PDZD2: variants seen among roughly 807,000 people sequenced by gnomAD.
The protein encoded by PDZD2 is PDZ domain containing 2.
A neutral mutation model predicts 220.7 loss-of-function variants in PDZD2; 90 were observed. The ratio of observed to expected loss-of-function variants is 0.41; its 90% CI spans 0.34 to 0.49. PDZD2 has a LOEUF of 0.49. Ranked by LOEUF, PDZD2 falls within the 20% of genes least tolerant of loss-of-function variation. PDZD2 has a pLI of 0.28. For missense variants in PDZD2, 3,174 were observed against 3,608.5 expected, an observed-to-expected ratio of 0.88 and a Z score of 3.08; for synonymous variants, 1,375 against 1,450.5, an observed-to-expected ratio of 0.95 and a Z score of 1.18.
In PDZD2 at chr5:31,962,229, GT is replaced by G. The variant is rs559671466; in HGVS notation, c.477-20925del. ...TGACATTTTCCACAGATCTGCTTGT[GT>G]ATCTTAACTTCTCTTTCCTTTAAGT... On this transcript the variant is annotated intron_variant, in intron 2 of 24. Coordinates refer to ENST00000438447, the MANE Select transcript of PDZD2 (RefSeq NM_178140.4). Among the ~76,000 whole-genome samples, 98 of 152,264 alleles carry G rather than the reference GT, an allele frequency of 6.4e-4. 1 individual carries two copies. Among genetic ancestry groups the G allele is most frequent in the African/African-American group, 2.3e-3 (94 of 41,562 alleles).
At chr5:31,898,476 A>C (rs554570960) in intron 2 of PDZD2, among the ~76,000 whole-genome samples, 36 of 152,304 alleles carry the variant, frequency 2.4e-4, no homozygotes, top group African/African-American at 8.7e-4. Flanking sequence ...TTTGGTGCAG[A>C]AAGCTTTTCT....
At chr5:32,074,810 CT>C (rs33999865) in intron 18 of PDZD2, among the ~76,000 whole-genome samples, 167 bp downstream of exon 18, 37,275 of 145,064 alleles carry the variant, frequency 0.26, 4,753 homozygotes, top group East Asian at 0.4. Flanking sequence ...GCTTGGAAGC[CT>C]TTTTTTTTTT....
intron 2 of PDZD2, among the ~76,000 whole-genome samples, chr5:31,874,485 G>A (rs748040905): frequency 1.4e-4 from 22 of 152,136 alleles, no homozygotes; most frequent in Non-Finnish European, 1.5e-5. Context: ...ATGCAGCCAG[G>A]TGTGGTGGCT....
chr5:31,943,203 C>CAA (rs368213219), intron 2 of PDZD2, among the ~76,000 whole-genome samples: 186 of 146,054 alleles, frequency 1.3e-3, no homozygotes, highest in East Asian at 2.0e-3. Context: ...ACTGTGTCTC[C>CAA]AAAAAAAAAA....
chr5:31,885,356 C>G (rs143738870), intron 2 of PDZD2, among the ~76,000 whole-genome samples: 171 of 151,964 alleles, frequency 1.1e-3, no homozygotes, highest in African/African-American at 4.1e-3. Context: ...TCTTTGTATA[C>G]TGTCAGAGTG....
At position 31,698,129 on chromosome 5, in the gene PDZD2, G is replaced by A. The variant is rs961580561; in HGVS notation, c.-361+58692G>A. Among the ~76,000 whole-genome samples the A allele has an allele frequency of 6.7e-5, 10 of 148,216 alleles. No homozygotes were observed. The East Asian group carries it at 8.3e-4, about 12-fold the overall frequency. On this transcript the variant is annotated intron_variant, in intron 1 of 24. Coordinates refer to ENST00000438447, the MANE Select transcript of PDZD2 (RefSeq NM_178140.4). Reference sequence around the variant, plus strand: ...TCACCATGTTGGCCAGGACGGTCTCGATCTCTTGACCTCATGATCCTGCCT... The same window carrying A: ...TCACCATGTTGGCCAGGACGGTCTCAATCTCTTGACCTCATGATCCTGCCT...
chr5:31,650,879 A>G (rs1745325321), intron 1 of PDZD2, among the ~76,000 whole-genome samples: 1 of 152,158 alleles, frequency 6.6e-6, no homozygotes, highest in Non-Finnish European at 1.5e-5. Flanking sequence ...GGGTGAGAGC[A>G]TGGACTCCAT....
At chr5:31,641,225 C>T (rs1744935903) in intron 1 of PDZD2, among the ~76,000 whole-genome samples, 1 of 152,192 alleles carries the variant, frequency 6.6e-6, no homozygotes, top group African/African-American at 2.4e-5. Context: ...GAGAAGCCTG[C>T]TAAGCACTAT....
At chr5:31,926,984 C>T (rs554722671) in intron 2 of PDZD2, among the ~76,000 whole-genome samples, 8 of 152,286 alleles carry the variant, frequency 5.3e-5, no homozygotes, top group South Asian at 4.1e-4. Context: ...AACTAAATAC[C>T]GCATATTATT....
intron 1 of PDZD2, among the ~76,000 whole-genome samples, chr5:31,716,936 G>C (rs370704924): frequency 6.6e-6 from 1 of 152,112 alleles, no homozygotes; most frequent in Non-Finnish European, 1.5e-5. Flanking sequence ...AGTTCAAAGA[G>C]GTTGTTGGGG....
chr5:31,839,250 A>C (rs947346095), intron 2 of PDZD2, among the ~76,000 whole-genome samples: 2 of 152,210 alleles, frequency 1.3e-5, no homozygotes, highest in Non-Finnish European at 2.9e-5. Flanking sequence ...CTCCTTGAAG[A>C]AGACTTCGGA....
intron 2 of PDZD2, among the ~76,000 whole-genome samples, chr5:31,850,210 ATGTG>A (rs1757952653): frequency 8.7e-6 from 1 of 114,708 alleles, no homozygotes; most frequent in African/African-American, 3.9e-5. Flanking sequence ...ATAAGTATAT[ATGTG>A]TATATATATA....
intron 2 of PDZD2, among the ~76,000 whole-genome samples, chr5:31,817,965 A>AT (rs368621112): frequency 0.018 from 2,015 of 112,154 alleles, 92 homozygotes; most frequent in African/African-American, 0.061. Flanking sequence ...CACCTGGCCA[A>AT]TTTTTTTTTT....
At chr5:32,084,204 C>T (rs940453146) in intron 19 of PDZD2, among the ~76,000 whole-genome samples, 2 of 152,224 alleles carry the variant, frequency 1.3e-5, no homozygotes, top group African/African-American at 2.4e-5. Context: ...GTAGCTAGTA[C>T]GGTCTCCATG....
At chr5:31,703,948 T>C (rs925077849) in intron 1 of PDZD2, among the ~76,000 whole-genome samples, 1 of 127,738 alleles carries the variant, frequency 7.8e-6, no homozygotes, top group Non-Finnish European at 1.8e-5. Flanking sequence ...TCTCTCTCTT[T>C]CTCTCTCTTT....
intron 6 of PDZD2, among the ~76,000 whole-genome samples, chr5:32,029,977 T>G (rs1754995693): frequency 6.6e-6 from 1 of 152,248 alleles, no homozygotes; most frequent in African/African-American, 2.4e-5. Flanking sequence ...GGCAGGAATC[T>G]TCCTCCCAAC....
chr5:31,706,673 G>A (rs1438901268), intron 1 of PDZD2, among the ~76,000 whole-genome samples: 2 of 151,982 alleles, frequency 1.3e-5, no homozygotes, highest in Non-Finnish European at 2.9e-5. Context: ...GTGAAACCCC[G>A]TCTCTATTAC....
At chr5:31,743,177 CTT>C (rs753388178) in intron 1 of PDZD2, among the ~76,000 whole-genome samples, 54 of 142,664 alleles carry the variant, frequency 3.8e-4, no homozygotes, top group Middle Eastern at 3.7e-3. Flanking sequence ...ATTCTTTTTT[CTT>C]TTTTTTTTTT....
intron 2 of PDZD2, among the ~76,000 whole-genome samples, chr5:31,904,741 C>T (rs565504654): frequency 3.9e-5 from 6 of 151,954 alleles, no homozygotes; most frequent in African/African-American, 7.2e-5. Flanking sequence ...CCACTGCGCC[C>T]GGCCAATATG....
Sources: allele counts gnomAD v4.1 joint callset (sites outside exome capture counted in the v4.1 genomes callset), GRCh38; gene constraint gnomAD v4.1.1; transcripts MANE v1.5; gene names NCBI Gene and HGNC (gene_info 2026-07-23, HGNC 2026-07-21).